ATRNL1: variants seen among roughly 807,000 people sequenced by gnomAD.
ATRNL1 encodes attractin like 1.
A neutral mutation model predicts 182.7 loss-of-function variants in ATRNL1; 95 were observed. The observed-to-expected ratio is 0.52, with a 90% confidence interval of 0.44 to 0.62. ATRNL1 has a LOEUF of 0.62. ATRNL1 is among the 20% of genes least tolerant of loss of function. ATRNL1 has a pLI of 0.00. For synonymous variants in ATRNL1, 576 were observed against 568.3 expected (o/e 1.01, Z -0.19); for missense variants, 1,471 against 1,679.5 (o/e 0.88, Z 2.17).
Position 115,793,857 on chromosome 10 carries a change from T to A in ATRNL1, c.3904-54020T>A, listed in dbSNP as rs1223107509. Among the ~76,000 whole-genome samples, 7 of 152,140 alleles carry A rather than the reference T, an allele frequency of 4.6e-5. No homozygotes were observed. In the South Asian group the frequency reaches 1.2e-3, roughly 27 times the overall value. Reference sequence around the variant, plus strand: ...GTGATGAAAATGTTCTATAATTACATGACAACAATGGTTGCACAATTCTGT... The same window carrying A: ...GTGATGAAAATGTTCTATAATTACAAGACAACAATGGTTGCACAATTCTGT... On this transcript the variant is annotated intron_variant, in intron 27 of 28. Coordinates refer to ENST00000355044, the MANE Select transcript of ATRNL1 (RefSeq NM_207303.4).
intron 24 of ATRNL1, among the ~76,000 whole-genome samples, chr10:115,506,320 AACATAC>A (rs1410084901): frequency 6.6e-6 from 1 of 152,008 alleles, no homozygotes; most frequent in African/African-American, 2.4e-5. Context: ...AATAGGAACA[AACATAC>A]AACAACAACA....
At chr10:115,623,565 A>G (rs1416738745) in intron 26 of ATRNL1, among the ~76,000 whole-genome samples, 3 of 152,198 alleles carry the variant, frequency 2.0e-5, no homozygotes, top group African/African-American at 7.2e-5. Flanking sequence ...TGAGCTATGT[A>G]TCTCATGTAA....
intron 26 of ATRNL1, among the ~76,000 whole-genome samples, chr10:115,667,363 G>A (rs1360509553): frequency 6.6e-6 from 1 of 152,110 alleles, no homozygotes; most frequent in East Asian, 1.9e-4. Flanking sequence ...AATTTGATGG[G>A]TTTTCTGCGT....
At chr10:115,631,684 G>C (rs1858524402) in intron 26 of ATRNL1, among the ~76,000 whole-genome samples, 1 of 152,052 alleles carries the variant, frequency 6.6e-6, no homozygotes, top group South Asian at 2.1e-4. Context: ...ATAATAAAGA[G>C]ATGATGATAT....
intron 28 of ATRNL1, among the ~76,000 whole-genome samples, chr10:115,924,337 G>A (rs1555119422): frequency 6.6e-6 from 1 of 152,030 alleles, no homozygotes; most frequent in Admixed American, 6.6e-5. Context: ...CCTATGACCT[G>A]AATGTTATTG....
chr10:115,434,662 A>G (rs1200212605), intron 21 of ATRNL1, among the ~76,000 whole-genome samples: 1 of 152,230 alleles, frequency 6.6e-6, no homozygotes, highest in Non-Finnish European at 1.5e-5. Flanking sequence ...CAAAATTGAT[A>G]TAAAAATTTT....
chr10:115,814,707 T>C (rs919719622), intron 27 of ATRNL1, among the ~76,000 whole-genome samples: 3 of 152,140 alleles, frequency 2.0e-5, no homozygotes, highest in African/African-American at 7.2e-5. Flanking sequence ...CAGCACTGGT[T>C]TGATCATTGA....
At chr10:115,611,906 A>G (rs1483363456) in intron 26 of ATRNL1, among the ~76,000 whole-genome samples, 2 of 152,158 alleles carry the variant, frequency 1.3e-5, no homozygotes, top group African/African-American at 4.8e-5. Flanking sequence ...GACAAGAGAG[A>G]TAGTCATTAC....
chr10:115,471,783 A>G (rs1201432692), intron 24 of ATRNL1, among the ~76,000 whole-genome samples: 3 of 150,948 alleles, frequency 2.0e-5, no homozygotes, highest in Admixed American at 6.6e-5. Context: ...TTTATTTTCT[A>G]TTCTGTAGGT....
intron 5 of ATRNL1, among the ~76,000 whole-genome samples, chr10:115,156,620 A>G (rs1846530756): frequency 6.6e-6 from 1 of 152,114 alleles, no homozygotes; most frequent in Non-Finnish European, 1.5e-5. Context: ...AAATTCATTT[A>G]TACTCTTTGG....
intron 26 of ATRNL1, among the ~76,000 whole-genome samples, chr10:115,577,389 C>G (rs1555005650): frequency 6.6e-6 from 1 of 151,764 alleles, no homozygotes; most frequent in Non-Finnish European, 1.5e-5. Flanking sequence ...GTGCCTTCTT[C>G]AGTTTCTTTA....
intron 21 of ATRNL1, among the ~76,000 whole-genome samples, chr10:115,451,486 TGTG>T (rs1554967615): frequency 6.6e-6 from 1 of 152,094 alleles, no homozygotes; most frequent in East Asian, 1.9e-4. Context: ...AAGACATACA[TGTG>T]GCCAAGAAGC....
chr10:115,691,214 G>T (rs1946383759), intron 26 of ATRNL1, among the ~76,000 whole-genome samples: 1 of 152,044 alleles, frequency 6.6e-6, no homozygotes, highest in Admixed American at 6.6e-5. Context: ...TTTCCATCGT[G>T]CCTGTACCAA....
intron 21 of ATRNL1, among the ~76,000 whole-genome samples, chr10:115,445,574 C>G (rs1281594060): frequency 1.5e-5 from 2 of 130,382 alleles, no homozygotes; most frequent in Admixed American, 1.6e-4. Context: ...CATGGACATG[C>G]CTGGATGTCT....
At chr10:115,654,226 T>C (rs1860188503) in intron 26 of ATRNL1, among the ~76,000 whole-genome samples, 1 of 151,996 alleles carries the variant, frequency 6.6e-6, no homozygotes, top group Admixed American at 6.6e-5. Flanking sequence ...TTTCTTTTTT[T>C]TTTTTGTTTT....
At chr10:115,594,719 G>T (rs533871621) in intron 26 of ATRNL1, among the ~76,000 whole-genome samples, 1 of 152,210 alleles carries the variant, frequency 6.6e-6, no homozygotes, top group South Asian at 2.1e-4. Flanking sequence ...TGGCCAGGCT[G>T]GTCTTAAACT....
At chr10:115,250,953 T>A (rs540092829) in intron 10 of ATRNL1, among the ~76,000 whole-genome samples, 2 of 152,200 alleles carry the variant, frequency 1.3e-5, no homozygotes, top group Non-Finnish European at 2.9e-5. Flanking sequence ...GGAATTAATA[T>A]CATCCTAAGG....
At chr10:115,223,913 G>GTATATATATATATATATATATA (rs782380839) in intron 9 of ATRNL1, among the ~76,000 whole-genome samples, 1 of 55,922 alleles carries the variant, frequency 1.8e-5, no homozygotes, top group African/African-American at 8.4e-5. Flanking sequence ...GTGTGTGTGT[G>GTATATATATATATATATATATA]TATATATATA....
intron 24 of ATRNL1, among the ~76,000 whole-genome samples, chr10:115,476,022 T>C (rs1327319762): frequency 2.0e-5 from 3 of 151,378 alleles, no homozygotes; most frequent in African/African-American, 7.3e-5. Flanking sequence ...TCGTTGATTT[T>C]AGAACTTTTC....
Sources: allele counts gnomAD v4.1 joint callset (sites outside exome capture counted in the v4.1 genomes callset), GRCh38; gene constraint gnomAD v4.1.1; transcripts MANE v1.5; gene names NCBI Gene and HGNC (gene_info 2026-07-23, HGNC 2026-07-21).